Variants in CDH10 observed in about 807,000 individuals in gnomAD.
CDH10 encodes cadherin-10.
In CDH10, 30 loss-of-function variants were observed where a neutral mutation model predicts 73.1. The observed-to-expected ratio is 0.41, with a 90% CI of 0.31 to 0.56. The LOEUF is 0.56. Ranked by LOEUF, CDH10 falls within the 20% of genes least tolerant of loss-of-function variation. The pLI, the probability that CDH10 is intolerant of heterozygous loss-of-function variation, is 0.27. For synonymous variants in CDH10, 345 were observed against 348.2 expected (o/e 0.99, Z 0.10); for missense variants, 815 against 973.7 (o/e 0.84, Z 2.17).
intron 2 of CDH10, among the ~76,000 whole-genome samples, chr5:24,560,567 T>C (rs1356069799): frequency 6.6e-6 from 1 of 152,098 alleles, no homozygotes; most frequent in African/African-American, 2.4e-5. Context: ...ATTTGCATAT[T>C]TATTACCTAA....
intron 2 of CDH10, among the ~76,000 whole-genome samples, chr5:24,555,985 A>C (rs976991265): frequency 5.3e-5 from 8 of 152,142 alleles, no homozygotes; most frequent in African/African-American, 1.9e-4. Flanking sequence ...CTTCTAGGAG[A>C]AACCTTATTG....
intron 2 of CDH10, among the ~76,000 whole-genome samples, chr5:24,564,081 T>G (rs1242139398): frequency 6.6e-6 from 1 of 152,164 alleles, no homozygotes; most frequent in Admixed American, 6.5e-5. Flanking sequence ...TCTCAAAAGA[T>G]CTCTGGTTCC....
intron 5 of CDH10, among the ~76,000 whole-genome samples, chr5:24,527,052 T>C (rs1196836970): frequency 6.7e-6 from 1 of 148,362 alleles, no homozygotes; most frequent in Non-Finnish European, 1.5e-5. Context: ...AATAATGTTC[T>C]TTTTCATGAT....
intron 2 of CDH10, among the ~76,000 whole-genome samples, chr5:24,579,744 A>C (rs1745726407): frequency 6.6e-6 from 1 of 152,014 alleles, no homozygotes; most frequent in African/African-American, 2.4e-5. Context: ...TCTCAGTTTC[A>C]TTCATTGTTT....
chr5:24,529,528 T>G (rs1743650589), intron 5 of CDH10, among the ~76,000 whole-genome samples: 1 of 152,036 alleles, frequency 6.6e-6, no homozygotes, highest in South Asian at 2.1e-4. Flanking sequence ...CTGCTTATAT[T>G]TGTCACTATT....
At chr5:24,615,526 T>C (rs1747098971) in intron 1 of CDH10, among the ~76,000 whole-genome samples, 1 of 152,212 alleles carries the variant, frequency 6.6e-6, no homozygotes, top group Non-Finnish European at 1.5e-5. Flanking sequence ...TAGTATATTG[T>C]AGGTATGGAA....
intron 11 of CDH10, among the ~76,000 whole-genome samples, chr5:24,490,599 GA>G (rs1396052805): frequency 1.3e-5 from 2 of 151,994 alleles, no homozygotes; most frequent in Admixed American, 1.3e-4. Context: ...TAGAAAAGTG[GA>G]AACATCTATA....
rs1489172130 is a variant in CDH10 at position 24,491,629 on chromosome 5, C to G, written c.1823G>C (p.Gly608Ala). ...CSAEALLLPA[G>A]LSTGALIAIL... ...GGCGATCAAGGCCCCAGTGCTGAGG[C>G]CGGCAGGGAGGAGCAGGGCTTCAGC... is the stretch of plus-strand genomic sequence containing the variant. The change falls in exon 11 of 12, where the codon GGC becomes GCC. Residue 608 changes from glycine to alanine, a missense_variant. This residue lies in a region of CDH10 where 241 missense variants were observed against 240.3 expected (regional missense o/e 1.00). Coordinates refer to ENST00000264463, the MANE Select transcript of CDH10 (RefSeq NM_006727.5). 6.2e-7 allele frequency: 1 copy of G among 1,613,820 alleles called. No homozygotes were observed. Among genetic ancestry groups the G allele is most frequent in the Non-Finnish European group, 8.5e-7 (1 of 1,179,844 alleles).
chr5:24,527,482 C>T (rs1466164328), intron 5 of CDH10, among the ~76,000 whole-genome samples: 1 of 151,398 alleles, frequency 6.6e-6, no homozygotes, highest in Non-Finnish European at 1.5e-5. Flanking sequence ...CTGAGAAATG[C>T]ATTGTTAGAT....
intron 2 of CDH10, among the ~76,000 whole-genome samples, chr5:24,554,575 A>T (rs1421621894): frequency 6.6e-6 from 1 of 151,388 alleles, no homozygotes; most frequent in Non-Finnish European, 1.5e-5. Context: ...TGATAATTCA[A>T]CTAGTTATAT....
intron 2 of CDH10, among the ~76,000 whole-genome samples, chr5:24,562,939 G>A (rs896609382): frequency 3.3e-5 from 5 of 152,138 alleles, no homozygotes; most frequent in African/African-American, 1.2e-4. Flanking sequence ...TCATTGCTGA[G>A]CAATTCAGTT....
At chr5:24,549,964 C>A (rs1042022185) in intron 2 of CDH10, among the ~76,000 whole-genome samples, 2 of 151,982 alleles carry the variant, frequency 1.3e-5, no homozygotes, top group African/African-American at 4.8e-5. Flanking sequence ...TGGACAAAAA[C>A]CAGGGAATTT....
chr5:24,567,941 A>G (rs752059394), intron 2 of CDH10, among the ~76,000 whole-genome samples: 2 of 152,066 alleles, frequency 1.3e-5, no homozygotes, highest in Non-Finnish European at 2.9e-5. Flanking sequence ...GTACACTTCA[A>G]TGATGTCTCA....
chr5:24,504,953 G>T (rs1375680981), intron 8 of CDH10, among the ~76,000 whole-genome samples, 159 bp downstream of exon 8: 1 of 151,732 alleles, frequency 6.6e-6, no homozygotes, highest in African/African-American at 2.4e-5. Context: ...AAGAAATATT[G>T]AAAAAAAGTG....
At chr5:24,575,352 C>CAAAAAAAAAAAA (rs1388761427) in intron 2 of CDH10, among the ~76,000 whole-genome samples, 15 of 46,910 alleles carry the variant, frequency 3.2e-4, no homozygotes, top group South Asian at 1.4e-3. Context: ...ACAACAAAAA[C>CAAAAAAAAAAAA]AACAAAAAAA....
chr5:24,589,905 T>C (rs1320368873), intron 2 of CDH10, among the ~76,000 whole-genome samples: 1 of 152,114 alleles, frequency 6.6e-6, no homozygotes, highest in Non-Finnish European at 1.5e-5. Flanking sequence ...GGAGGTAACA[T>C]ATTTCAAAAG....
chr5:24,509,568 A>G lies in CDH10; in HGVS notation c.1254T>C (p.Ile418=). 6.2e-7 allele frequency: 1 copy of G among 1,613,722 alleles called. No homozygotes were observed. The highest frequency in any genetic ancestry group is 1.7e-5 in the Admixed American group (1 of 59,984). The change falls in exon 7 of 12, where the codon ATT becomes ATC. Residue 418 remains isoleucine, a splice_region_variant and synonymous_variant. Coordinates refer to ENST00000264463, the MANE Select transcript of CDH10 (RefSeq NM_006727.5). ...TCATTTTTAAAAGGCACACTTACCT[A>G]ATGGGGCTGGAAATAGAATCTGGGT... is the stretch of plus-strand genomic sequence containing the variant. ...ARDPDSISSP[I]RFSLDRHTDL... is the part of the protein sequence containing the mutation.
At chr5:24,521,787 C>T (rs1243706279) in intron 5 of CDH10, among the ~76,000 whole-genome samples, 2 of 151,702 alleles carry the variant, frequency 1.3e-5, no homozygotes, top group African/African-American at 4.8e-5. Flanking sequence ...TAACATCATC[C>T]AACAAGAAAA....
intron 1 of CDH10, among the ~76,000 whole-genome samples, chr5:24,596,662 T>C (rs1746381447): frequency 6.6e-6 from 1 of 151,976 alleles, no homozygotes; most frequent in South Asian, 2.1e-4. Context: ...ATATTTCTAG[T>C]TGTTTTAATT....
Sources: allele counts gnomAD v4.1 joint callset (sites outside exome capture counted in the v4.1 genomes callset), GRCh38; gene constraint gnomAD v4.1.1; regional missense constraint gnomAD v4.1.1; transcripts MANE v1.5; gene names NCBI Gene and HGNC (gene_info 2026-07-23, HGNC 2026-07-21).